The following WDR7 variants were observed in gnomAD, a reference collection of about 807,000 sequenced individuals.
WDR7 encodes WD repeat-containing protein 7.
A neutral mutation model predicts 169.4 loss-of-function variants in WDR7; 46 were observed. That is an observed-to-expected ratio of 0.27 (90% CI 0.21 to 0.35). WDR7 has a LOEUF of 0.35. WDR7 is among the 10% of genes least tolerant of loss of function. The pLI is 1.00. For missense variants in WDR7, 1,534 were observed against 1,859.3 expected (o/e 0.83, Z 3.22); for synonymous variants, 612 against 666.8 (o/e 0.92, Z 1.27).
intron 21 of WDR7, among the ~76,000 whole-genome samples, chr18:56,893,707 C>G (rs2064109542): frequency 6.6e-6 from 1 of 152,050 alleles, no homozygotes. Flanking sequence ...TGGCTCTTTC[C>G]TTATACCTTT....
chr18:56,769,428 G>A (rs148361050), intron 16 of WDR7, among the ~76,000 whole-genome samples: 1,925 of 152,154 alleles, frequency 0.013, 19 homozygotes, highest in Middle Eastern at 0.031. Flanking sequence ...CGAACTCCTG[G>A]GCTCAAGTGA....
chr18:56,828,493 G>T (rs908019594), intron 20 of WDR7, among the ~76,000 whole-genome samples: 4 of 152,142 alleles, frequency 2.6e-5, no homozygotes, highest in Non-Finnish European at 5.9e-5. Flanking sequence ...GTCATTACTA[G>T]ACTTTAGAAA....
At chr18:56,659,728 G>A (rs2024863540) in intron 1 of WDR7, among the ~76,000 whole-genome samples, 1 of 152,192 alleles carries the variant, frequency 6.6e-6, no homozygotes, top group Admixed American at 6.5e-5. Context: ...AGAGCAGATG[G>A]AAAAGAGTAA....
chr18:56,784,801 TTTAAG>T (rs2044371068), intron 19 of WDR7, among the ~76,000 whole-genome samples: 1 of 152,348 alleles, frequency 6.6e-6, no homozygotes, highest in East Asian at 1.9e-4. Flanking sequence ...ATGTTGTATA[TTTAAG>T]TTTTGTATTT....
At chr18:56,685,494 A>G (rs369481375) in intron 5 of WDR7, among the ~76,000 whole-genome samples, 1 of 152,254 alleles carries the variant, frequency 6.6e-6, no homozygotes, top group African/African-American at 2.4e-5. Context: ...TAGATTTTAT[A>G]TCATATCTTT....
At chr18:56,767,295 G>C (rs1385877927) in intron 16 of WDR7, among the ~76,000 whole-genome samples, 1 of 152,168 alleles carries the variant, frequency 6.6e-6, no homozygotes, top group African/African-American at 2.4e-5. Context: ...ACTTGAGGGA[G>C]ATCCTCTGAA....
At chr18:56,681,905 T>G (rs2025357160) in intron 4 of WDR7, among the ~76,000 whole-genome samples, 1 of 152,266 alleles carries the variant, frequency 6.6e-6, no homozygotes, top group South Asian at 2.1e-4. Flanking sequence ...ATTTGTAGTT[T>G]CTGACTTACA....
intron 21 of WDR7, among the ~76,000 whole-genome samples, chr18:56,890,478 T>C (rs187319929): frequency 8.8e-4 from 134 of 152,246 alleles, no homozygotes; most frequent in African/African-American, 2.9e-3. Flanking sequence ...ATTAGCAAGC[T>C]TACGACAATG....
chr18:56,833,141 T>C (rs1405054035), intron 20 of WDR7, among the ~76,000 whole-genome samples: 1 of 150,128 alleles, frequency 6.7e-6, no homozygotes, highest in African/African-American at 2.4e-5. Flanking sequence ...GAGAAGAACA[T>C]AAACGACCTG....
intron 13 of WDR7, among the ~76,000 whole-genome samples, chr18:56,723,659 T>C (rs2026373252): frequency 6.6e-6 from 1 of 152,140 alleles, no homozygotes; most frequent in African/African-American, 2.4e-5. Context: ...AGCAATTTGA[T>C]TGTGGTTTTC....
At chr18:56,690,843 A>T (rs1161389925) in intron 7 of WDR7, among the ~76,000 whole-genome samples, 1 of 152,094 alleles carries the variant, frequency 6.6e-6, no homozygotes, top group African/African-American at 2.4e-5. Context: ...CTGTTACTAG[A>T]CATAGAAATA....
intron 16 of WDR7, among the ~76,000 whole-genome samples, chr18:56,759,746 A>C (rs1358233697): frequency 1.3e-5 from 2 of 150,152 alleles, no homozygotes; most frequent in Non-Finnish European, 2.9e-5. Context: ...GCATACTGGC[A>C]TTTTTCTTCC....
intron 27 of WDR7, among the ~76,000 whole-genome samples, chr18:57,025,233 T>C (rs1302775319): frequency 6.6e-6 from 1 of 152,182 alleles, no homozygotes; most frequent in African/African-American, 2.4e-5. Context: ...AGAAAATCCA[T>C]AAAGAATGAA....
intron 25 of WDR7, among the ~76,000 whole-genome samples, chr18:56,950,186 T>C (rs529346949): frequency 6.6e-6 from 1 of 152,358 alleles, no homozygotes; most frequent in Admixed American, 6.5e-5. Flanking sequence ...TTGTGTGTAC[T>C]TTCCACTTTG....
At chr18:56,800,400 A>G (rs2044652403) in intron 19 of WDR7, among the ~76,000 whole-genome samples, 1 of 152,176 alleles carries the variant, frequency 6.6e-6, no homozygotes, top group South Asian at 2.1e-4. Flanking sequence ...TGAACTCAAT[A>G]TATTTCATGC....
At chr18:56,731,741 C>T (rs1409416016) in intron 14 of WDR7, 144 bp downstream of exon 14, 4 of 748,228 alleles carry the variant, frequency 5.3e-6, no homozygotes, top group African/African-American at 5.3e-5. Flanking sequence ...GTTTATCCAA[C>T]ATGGTTTGAG....
At chr18:56,882,010 G>A (rs2046115183) in intron 21 of WDR7, among the ~76,000 whole-genome samples, 1 of 152,186 alleles carries the variant, frequency 6.6e-6, no homozygotes. Context: ...TTGAACTCAA[G>A]TGTCTTGCGA....
chr18:56,982,890 A>T (rs1406582056), intron 26 of WDR7, among the ~76,000 whole-genome samples: 1 of 152,210 alleles, frequency 6.6e-6, no homozygotes, highest in Non-Finnish European at 1.5e-5. Context: ...ATGAGGAAGC[A>T]TCTAAAATCT....
intron 26 of WDR7, among the ~76,000 whole-genome samples, chr18:56,984,125 G>C (rs892941573): frequency 3.3e-5 from 5 of 152,032 alleles, no homozygotes; most frequent in Admixed American, 3.3e-4. Context: ...AATTTTCACT[G>C]TCCTATTTTC....
Sources: gnomAD v4.1 joint callset for allele counts (sites outside exome capture counted in the v4.1 genomes callset) on GRCh38, gnomAD v4.1.1 for gene constraint, MANE v1.5 for transcripts, NCBI Gene and HGNC (gene_info 2026-07-23, HGNC 2026-07-21) for gene names.